Variants in PCDHGA3 observed in about 807,000 individuals in gnomAD.
PCDHGA3 encodes the protein protocadherin gamma-A3.
Under a neutral mutation model 58.5 loss-of-function variants are expected in PCDHGA3, and 40 were observed. The observed-to-expected ratio is 0.68, with a 90% CI of 0.53 to 0.89. The LOEUF (loss-of-function observed/expected upper bound fraction) is 0.89. Among genes scored for constraint, PCDHGA3 ranks in the 40% least tolerant of loss-of-function variants. PCDHGA3 has a pLI of 0.00. For synonymous variants in PCDHGA3, 530 were observed against 525.7 expected, an observed-to-expected ratio of 1.01 and a Z score of -0.11; for missense variants, 1,223 against 1,195.9, an observed-to-expected ratio of 1.02 and a Z score of -0.33.
Position 141,489,089 on chromosome 5 carries a change from A to G in PCDHGA3, c.2425-5718A>G. 5.6e-5 allele frequency: 16 copies of G among 284,404 alleles called. No individual in the cohort carries two copies. The highest frequency in any genetic ancestry group is 9.0e-5 in the Non-Finnish European group (14 of 156,416). The allele number at this position is 284,404 out of a possible 1,614,324, so 17.6% of individuals were successfully genotyped here. On this transcript the variant is annotated intron_variant, in intron 1 of 3. Coordinates refer to ENST00000253812, the MANE Select transcript of PCDHGA3 (RefSeq NM_018916.4). The surrounding 1 kb of genome is among the most constrained non-coding windows in gnomAD (Gnocchi z 4.5). ...CCCTGCCCACCCCCGCCACTCGGTG[A>G]CTAAGAACTGCTGCAAGCAGGCAAA...
At chr5:141,478,295 T>C (rs1210224121) in intron 1 of PCDHGA3, 5 of 1,614,004 alleles carry the variant, frequency 3.1e-6, no homozygotes, top group African/African-American at 2.7e-5. Flanking sequence ...TAGAGACCTA[T>C]ACCGAGCCCC....
In PCDHGA3 at chr5:141,485,145, A is replaced by G. The variant is rs766014792; in HGVS notation, c.2425-9662A>G. On this transcript the variant is annotated intron_variant, in intron 1 of 3. Coordinates refer to ENST00000253812, the MANE Select transcript of PCDHGA3 (RefSeq NM_018916.4). The surrounding 1 kb of genome is among the most constrained non-coding windows in gnomAD (Gnocchi z 5.7). Reference sequence around the variant, plus strand: ...GGGTCGGCTTCATCCGCGTCTCAGGAGCAAGTAGAGAATTAGCGGGCGGCA... The same window carrying G: ...GGGTCGGCTTCATCCGCGTCTCAGGGGCAAGTAGAGAATTAGCGGGCGGCA... The G allele has an allele frequency of 4.5e-6, 7 of 1,567,410 alleles. No individual in the cohort carries two copies. Among genetic ancestry groups the G allele is most frequent in the Non-Finnish European group, 6.1e-6 (7 of 1,142,014 alleles).
At chr5:141,419,152 G>A (rs2096335735) in intron 1 of PCDHGA3, 25 of 1,613,916 alleles carry the variant, frequency 1.5e-5, no homozygotes, top group East Asian at 4.5e-5. Context: ...GCAAGCCTCC[G>A]TTATCCTCCA....
At chr5:141,375,326 G>A in intron 1 of PCDHGA3, 2 of 1,613,776 alleles carry the variant, frequency 1.2e-6, no homozygotes, top group Non-Finnish European at 1.7e-6. Flanking sequence ...CCGGGAAGAG[G>A]TATTCTTGTA....
At chr5:141,509,507 T>G (rs2099877110) in intron 3 of PCDHGA3, among the ~76,000 whole-genome samples, 1 of 151,792 alleles carries the variant, frequency 6.6e-6, no homozygotes, top group African/African-American at 2.4e-5. Flanking sequence ...GATGTGACGG[T>G]GTTGATGATG....
rs144804989 is a variant in PCDHGA3 at position 141,489,791 on chromosome 5, C to T, written c.2425-5016C>T. 1.9e-6 allele frequency: 3 copies of T among 1,614,056 alleles called. No individual in the cohort carries two copies. Among genetic ancestry groups the T allele is most frequent in the Admixed American group, 1.7e-5 (1 of 60,010 alleles). Reference sequence around the variant, plus strand: ...AGCCACTTCTCTCTGAATGTGAAGACCCTAAAAGATGGGAAGCCATTCCCA... The same window carrying T: ...AGCCACTTCTCTCTGAATGTGAAGATCCTAAAAGATGGGAAGCCATTCCCA... On this transcript the variant is annotated intron_variant, in intron 1 of 3. Transcript: ENST00000253812. This position sits in a 1 kb window ranked among gnomAD's most constrained non-coding sequence, Gnocchi z 4.5.
intron 1 of PCDHGA3, chr5:141,385,463 T>A: frequency 6.9e-7 from 1 of 1,443,350 alleles, no homozygotes; most frequent in Non-Finnish European, 9.1e-7. Flanking sequence ...TTTCCTTCAG[T>A]GGTGACACTT....
At chr5:141,362,004 G>T in intron 1 of PCDHGA3, 1 of 1,604,470 alleles carries the variant, frequency 6.2e-7, no homozygotes, top group South Asian at 1.1e-5. Flanking sequence ...GGTTGCGCAC[G>T]GGTGAGGTGC....
chr5:141,398,325 G>A, intron 1 of PCDHGA3: 9 of 1,355,732 alleles, frequency 6.6e-6, no homozygotes, highest in Non-Finnish European at 8.2e-6. Flanking sequence ...CTCGAAAACT[G>A]CGCGTCAGTT....
intron 1 of PCDHGA3, chr5:141,423,618 C>CT (rs1300844043): frequency 1.9e-6 from 3 of 1,608,282 alleles, no homozygotes; most frequent in Admixed American, 1.7e-5. Flanking sequence ...TAGCTGAAGA[C>CT]TCAGCTATCA....
At chr5:141,361,246 A>T in intron 1 of PCDHGA3, 1 of 1,613,980 alleles carries the variant, frequency 6.2e-7, no homozygotes, top group South Asian at 1.1e-5. Flanking sequence ...CTTGATAAAA[A>T]CGAGAGACAG....
chr5:141,429,390 A>T (rs556289214), intron 1 of PCDHGA3, among the ~76,000 whole-genome samples: 3,394 of 150,296 alleles, frequency 0.023, 54 homozygotes, highest in South Asian at 0.043. Context: ...TTTTTTTTAA[A>T]AAAAATTGAG....
At chr5:141,352,000 C>G (rs763040408) in intron 1 of PCDHGA3, 6 of 1,610,366 alleles carry the variant, frequency 3.7e-6, no homozygotes, top group South Asian at 1.1e-5. Context: ...CCGCAGAGCC[C>G]GGCTACCTGG....
intron 1 of PCDHGA3, chr5:141,370,415 G>A: frequency 6.4e-7 from 1 of 1,569,830 alleles, no homozygotes; most frequent in Non-Finnish European, 8.6e-7. Flanking sequence ...GCTCCGGATG[G>A]AGGGGCCCAG....
chr5:141,509,638 A>G (rs1204228233), intron 3 of PCDHGA3, among the ~76,000 whole-genome samples: 1 of 152,174 alleles, frequency 6.6e-6, no homozygotes, highest in Admixed American at 6.5e-5. Flanking sequence ...ATGCTGAGCC[A>G]GGGCCAGAGT....
intron 1 of PCDHGA3, chr5:141,398,967 C>T: frequency 6.2e-7 from 1 of 1,613,942 alleles, no homozygotes; most frequent in Non-Finnish European, 8.5e-7. Flanking sequence ...TTACTTATTC[C>T]TTCTACAGAA....
chr5:141,404,169 C>T (rs199556803), intron 1 of PCDHGA3: 118 of 1,612,734 alleles, frequency 7.3e-5, no homozygotes, highest in Non-Finnish European at 8.8e-5. Flanking sequence ...AGATTGTTGA[C>T]GGCCCAAATT....
At chr5:141,365,049 C>T in intron 1 of PCDHGA3, 1 of 1,613,898 alleles carries the variant, frequency 6.2e-7, no homozygotes, top group Non-Finnish European at 8.5e-7. Flanking sequence ...GACAATGCGC[C>T]CCTGTTCACC....
chr5:141,408,058 G>A, intron 1 of PCDHGA3: 1 of 1,316,270 alleles, frequency 7.6e-7, no homozygotes. Flanking sequence ...GAGCCTCCCG[G>A]CTGCGCAGAC....
Sources: allele counts gnomAD v4.1 joint callset (sites outside exome capture counted in the v4.1 genomes callset), GRCh38; gene constraint gnomAD v4.1.1; non-coding constraint Gnocchi (gnomAD v3.1); transcripts MANE v1.5; gene names NCBI Gene and HGNC (gene_info 2026-07-23, HGNC 2026-07-21).